Variants in PIM3 observed in about 807,000 individuals in gnomAD.
PIM3 encodes the protein Pim-3 proto-oncogene, serine/threonine kinase, also known as serine/threonine-protein kinase pim-3.
In PIM3, 13 loss-of-function variants were observed where a neutral mutation model predicts 27.5. That is an observed-to-expected ratio of 0.47 (90% CI 0.31 to 0.75). The LOEUF is 0.75. PIM3 is among the 30% of genes least tolerant of loss of function. The pLI is 0.05. For synonymous variants in PIM3, 341 were observed against 221.1 expected (o/e 1.54, Z -4.81); for missense variants, 482 against 476.9 (o/e 1.01, Z -0.10).
rs149796855 is a variant in PIM3 at position 49,962,607 on chromosome 22, G to A, written c.617-82G>A. On this transcript the variant is annotated intron_variant, in intron 4 of 5. Coordinates refer to ENST00000360612, the MANE Select transcript of PIM3 (RefSeq NM_001001852.4). ...GCTCTGCTTCCTGTTACTGAGGCCA[G>A]GGAGTTAACCAGCAGGGACCTCGCC... 381 of 1,452,308 alleles carry A rather than the reference G, an allele frequency of 2.6e-4. 1 individual carries two copies. The highest frequency in any genetic ancestry group is 3.5e-4 in the Non-Finnish European group (376 of 1,078,152). 90.0% of individuals were successfully genotyped at this position (1,452,308 alleles called of 1,614,324 possible). A position where few individuals can be genotyped will look rare whatever the true frequency, so the allele number is the denominator to read the frequency against.
At chr22:49,961,104 C>A in intron 1 of PIM3, 21 bp from the exon 2 acceptor site, 2 of 1,454,676 alleles carry the variant, frequency 1.4e-6, no homozygotes, top group Non-Finnish European at 1.8e-6. Context: ...CCGCACCAAC[C>A]CCGCCCGCGC....
At position 49,961,240 on chromosome 22, in the gene PIM3, T is replaced by G; in HGVS notation, c.195+6T>G. The G allele has an allele frequency of 1.3e-6, 2 of 1,533,738 alleles. No homozygotes were observed. The highest frequency in any genetic ancestry group is 1.7e-6 in the Non-Finnish European group (2 of 1,144,518). On this transcript the variant is annotated splice_donor_region_variant and intron_variant, in intron 2 of 5. Transcript: ENST00000360612. ...GCATCGCCGACGGGCTCCCGGTGAG[T>G]CGGACCGCCGGGCGGGCCCGGGTTT...
Position 49,961,460 on chromosome 22 carries a change from C to G in PIM3, c.265C>G (p.Leu89Val). The part of the protein sequence containing the change: ...WGSLGGATVP[L>V]EVVLLRKVGA... ...CCCCCAGGGCGGCGCGACCGTGCCCCTGGAGGTGGTGCTGCTGCGCAAGGT... is the reference window on the plus strand; with the variant it reads ...CCCCCAGGGCGGCGCGACCGTGCCCGTGGAGGTGGTGCTGCTGCGCAAGGT... Residue 89 changes from leucine (L) to valine (V), a missense_variant, in exon 4 of 6, where the codon CTG becomes GTG. Physicochemically the swap from Leu to Val is conservative, Grantham distance 32 (BLOSUM62 1). Transcript: ENST00000360612. The G allele has an allele frequency of 1.4e-6, 2 of 1,462,594 alleles. No homozygotes were observed. The highest frequency in any genetic ancestry group is 5.9e-5 in the Admixed American group (2 of 34,188). The allele number at this position is 1,462,594 out of a possible 1,614,324, so 90.6% of individuals were successfully genotyped here.
At chr22:49,961,903 T>G in intron 4 of PIM3, 92 bp downstream of exon 4, 1 of 1,531,898 alleles carries the variant, frequency 6.5e-7, no homozygotes, top group South Asian at 1.2e-5. Context: ...TGATGACTGT[T>G]GGGCGGCCGC....
intron 2 of PIM3, 28 bp downstream of exon 2, chr22:49,961,262 G>C (rs753876649): frequency 6.5e-7 from 1 of 1,538,776 alleles, no homozygotes; most frequent in Non-Finnish European, 8.7e-7. Flanking sequence ...GCGGGCCCGG[G>C]TTTCTCGCGC....
chr22:49,961,945 GGC>G lies in PIM3; in HGVS notation c.616+135_616+136del, dbSNP rs1347818256. The G allele has an allele frequency of 6.1e-6, 8 of 1,321,738 alleles. No individual in the cohort carries two copies. In the East Asian group the frequency reaches 2.0e-4, roughly 34 times the overall value. 81.9% of individuals were successfully genotyped at this position (1,321,738 alleles called of 1,614,324 possible). A position where few individuals can be genotyped will look rare whatever the true frequency, so the allele number is the denominator to read the frequency against. On this transcript the variant is annotated intron_variant, in intron 4 of 5. Coordinates refer to ENST00000360612, the MANE Select transcript of PIM3 (RefSeq NM_001001852.4). ...TGGGTCTGCTCTCGTGGGGAGCAGA[GGC>G]CCACGCGCTACCCTGGGGAGGGCTG... is the stretch of plus-strand genomic sequence containing the variant.
rs773179821 is a variant in PIM3, at chr22:49,962,927, C to G, written c.794-13C>G. On this transcript the variant is annotated splice_polypyrimidine_tract_variant and intron_variant, in intron 5 of 5. Coordinates refer to ENST00000360612, the MANE Select transcript of PIM3 (RefSeq NM_001001852.4). ...CCTGCTTGGGCCCTCCCTGACCTCTCCGCTCCGCACAGAGTGCCAGCAGCT... is the reference window on the plus strand; with the variant it reads ...CCTGCTTGGGCCCTCCCTGACCTCTGCGCTCCGCACAGAGTGCCAGCAGCT... The G allele has an allele frequency of 3.1e-6, 5 of 1,599,260 alleles. No homozygotes were observed. The African/African-American group carries it at 6.7e-5, about 21-fold the overall frequency.
Position 49,961,797 on chromosome 22 carries a change from A to G in PIM3, c.602A>G (p.Tyr201Cys). 2 of 1,609,620 alleles carry G rather than the reference A, an allele frequency of 1.2e-6. No individual in the cohort carries two copies. The highest frequency in any genetic ancestry group is 1.7e-6 in the Non-Finnish European group (2 of 1,178,594). Residue 201 changes from tyrosine to cysteine, a missense_variant, in exon 4 of 6, where the codon TAC becomes TGC. Tyr to Cys is a radical substitution (Grantham distance 194). Coordinates refer to ENST00000360612, the MANE Select transcript of PIM3 (RefSeq NM_001001852.4). ...GGTGCGCTGCTCAAGGACACGGTCTACACCGACTTCGACGGTGAGCGCGGG... is the reference window on the plus strand; with the variant it reads ...GGTGCGCTGCTCAAGGACACGGTCTGCACCGACTTCGACGGTGAGCGCGGG... ...GSGALLKDTV[Y>C]TDFDGTRVYS... is the part of the protein sequence containing the mutation.
Position 49,963,032 on chromosome 22 carries a change from G to T in PIM3, c.886G>T (p.Ala296Ser). ...TGCGGCCCATCCCTGGATGCTGGGG[G>T]CTGACGGGGGCGTCCCGGAGAGCTG... ...QIAAHPWMLG[A>S]DGGVPESCDL... Residue 296 changes from alanine to serine, a missense_variant, in exon 6 of 6, where the codon GCT (alanine) becomes TCT (serine). Transcript: ENST00000360612. 6.2e-7 allele frequency: 1 copy of T among 1,612,140 alleles called. No homozygotes were observed. The highest frequency in any genetic ancestry group is 8.5e-7 in the Non-Finnish European group (1 of 1,179,778).
rs755811309 is a variant in PIM3 at position 49,961,645 on chromosome 22, C to T, written c.450C>T (p.Phe150=). 48 of 1,569,080 alleles carry T rather than the reference C, an allele frequency of 3.1e-5. No homozygotes were observed. Among genetic ancestry groups the T allele is most frequent in the African/African-American group, 4.1e-5 (3 of 73,800 alleles). ...TGGACGAGCCGCTGGCGCGCCGCTT[C>T]TTCGCGCAGGTGCTGGCCGCCGTGC... ...GALDEPLARR[F]FAQVLAAVRH... Residue 150 remains phenylalanine, a synonymous_variant, in exon 4 of 6, where the codon TTC becomes TTT. Transcript: ENST00000360612.
At position 49,960,874 on chromosome 22, in the gene PIM3, G is replaced by C; in HGVS notation, c.-74G>C. 1.8e-6 allele frequency: 2 copies of C among 1,094,650 alleles called. No homozygotes were observed. The highest frequency in any genetic ancestry group is 2.2e-6 in the Non-Finnish European group (2 of 896,556). 67.8% of individuals were successfully genotyped at this position (1,094,650 alleles called of 1,614,324 possible). On this transcript the variant is annotated 5_prime_UTR_variant, in exon 1 of 6. Transcript: ENST00000360612. The stretch of plus-strand genomic sequence containing the variant: ...TCGGGCTCGGACGGCCGGTGTCCCC[G>C]GCGCGCCGCTCGCCCGGATCGGCCG...
Position 49,962,781 on chromosome 22 carries a change from G to A in PIM3, c.709G>A (p.Asp237Asn). ...TVWSLGVLLY[D>N]MVCGDIPFEQ... ...GTGGTCGCTGGGCGTGCTTCTCTAC[G>A]ATATGGTGTGTGGGGACATCCCCTT... The change falls in exon 5 of 6, where the codon GAT becomes AAT. Residue 237 changes from aspartate to asparagine, a missense_variant. By Grantham distance (23) the Asp-to-Asn change is conservative (BLOSUM62 1). Transcript: ENST00000360612. 6.2e-7 allele frequency: 1 copy of A among 1,612,760 alleles called. No individual in the cohort carries two copies. Among genetic ancestry groups the A allele is most frequent in the Non-Finnish European group, 8.5e-7 (1 of 1,179,986 alleles).
intron 4 of PIM3, among the ~76,000 whole-genome samples, chr22:49,962,205 G>C (rs988915358): frequency 2.0e-5 from 3 of 152,036 alleles, no homozygotes; most frequent in Admixed American, 6.5e-5. Flanking sequence ...CCCGCGGCGC[G>C]GTTGGAGTGG....
chr22:49,962,279 A>G (rs1226979444), intron 4 of PIM3, among the ~76,000 whole-genome samples: 1 of 151,548 alleles, frequency 6.6e-6, no homozygotes, highest in East Asian at 2.0e-4. Flanking sequence ...GCGGCGGCAG[A>G]AATCCCCGCA....
In PIM3 at chr22:49,962,992, G is replaced by T. The variant is rs2060917192; in HGVS notation, c.846G>T (p.Pro282=). ...TGTCCCTGCGGCCCTCAGAGCGGCC[G>T]TCGCTGGATCAGATTGCGGCCCATC... ...WCLSLRPSER[P]SLDQIAAHPW... is the part of the protein sequence containing the mutation. Residue 282 remains proline, a synonymous_variant, in exon 6 of 6, where the codon CCG becomes CCT. Transcript: ENST00000360612. 1.9e-6 allele frequency: 3 copies of T among 1,611,214 alleles called. No homozygotes were observed. The highest frequency in any genetic ancestry group is 2.2e-5 in the South Asian group (2 of 91,050).
chr22:49,960,782 C>G lies in PIM3; in HGVS notation c.-166C>G. The G allele has an allele frequency of 3.9e-6, 1 of 258,090 alleles. No individual in the cohort carries two copies. The highest frequency in any genetic ancestry group is 6.2e-6 in the Non-Finnish European group (1 of 160,082). The allele number at this position is 258,090 out of a possible 1,614,324, so 16.0% of individuals were successfully genotyped here. A position where few individuals can be genotyped will look rare whatever the true frequency, so the allele number is the denominator to read the frequency against. ...CGAGGCGGCCGGGGCGGGTGAGGCGCTCCGCCTGCTGCGCGTCTACGCGGT... is the reference window on the plus strand; with the variant it reads ...CGAGGCGGCCGGGGCGGGTGAGGCGGTCCGCCTGCTGCGCGTCTACGCGGT... On this transcript the variant is annotated 5_prime_UTR_variant, in exon 1 of 6. Transcript: ENST00000360612.
intron 4 of PIM3, among the ~76,000 whole-genome samples, chr22:49,962,124 G>C (rs1259148844): frequency 6.6e-6 from 1 of 152,098 alleles, no homozygotes; most frequent in African/African-American, 2.4e-5. Flanking sequence ...GGCTGGGGGC[G>C]GTAGCGGAGG....
Position 49,960,981 on chromosome 22 carries a change from C to G in PIM3, c.34C>G (p.Leu12Val), listed in dbSNP as rs1237573489. 1 of 1,394,204 alleles carries G rather than the reference C, an allele frequency of 7.2e-7. No individual in the cohort carries two copies. The highest frequency in any genetic ancestry group is 9.4e-7 in the Non-Finnish European group (1 of 1,065,208). The allele number at this position is 1,394,204 out of a possible 1,614,324, so 86.4% of individuals were successfully genotyped here. ...CTCCAAGTTCGGCTCCCTGGCGCAC[C>G]TCTGCGGGCCCGGCGGCGTGGACCA... ...LLSKFGSLAH[L>V]CGPGGVDHLP... is the part of the protein sequence containing the mutation. The change falls in exon 1 of 6, where the codon CTC becomes GTC. Residue 12 changes from leucine to valine, a missense_variant. By Grantham distance (32) the Leu-to-Val change is conservative (BLOSUM62 1). Transcript: ENST00000360612.
Position 49,963,675 on chromosome 22 carries a change from C to G in PIM3, c.*548C>G, listed in dbSNP as rs969398361. The G allele has an allele frequency of 3.3e-5, 5 of 152,668 alleles. No individual in the cohort carries two copies. The highest frequency in any genetic ancestry group is 1.2e-4 in the African/African-American group (5 of 41,468). The allele number at this position is 152,668 out of a possible 1,614,324, so 9.5% of individuals were successfully genotyped here. On this transcript the variant is annotated 3_prime_UTR_variant, in exon 6 of 6. Transcript: ENST00000360612. ...GTTATTTCCTCTGAGCAGTCTGCCTCTCCCAAGCCCCAGGGGACAGTGGGG... is the reference window on the plus strand; with the variant it reads ...GTTATTTCCTCTGAGCAGTCTGCCTGTCCCAAGCCCCAGGGGACAGTGGGG...
Sources: gnomAD v4.1 joint callset for allele counts (sites outside exome capture counted in the v4.1 genomes callset) on GRCh38, gnomAD v4.1.1 for gene constraint, MANE v1.5 for transcripts, NCBI Gene and HGNC (gene_info 2026-07-23, HGNC 2026-07-21) for gene names.